FGF1: variants seen among roughly 807,000 people sequenced by gnomAD.
FGF1 encodes fibroblast growth factor 1, also known as beta-endothelial cell growth factor.
FGF1 carries 9 observed loss-of-function variants against 13.4 expected under a neutral mutation model. The observed-to-expected ratio is 0.67, with a 90% confidence interval of 0.40 to 1.17. The LOEUF is 1.17. Among genes scored for constraint, FGF1 ranks in the 50% most tolerant of loss-of-function variants. FGF1 has a pLI of 0.01. For missense variants in FGF1, 156 were observed against 192.7 expected, an observed-to-expected ratio of 0.81 and a Z score of 1.13; for synonymous variants, 93 against 79.0, an observed-to-expected ratio of 1.18 and a Z score of -0.94.
chr5:142,651,305 G>T (rs1767203868), intron 1 of FGF1, among the ~76,000 whole-genome samples: 1 of 152,202 alleles, frequency 6.6e-6, no homozygotes, highest in South Asian at 2.1e-4. Context: ...CCTCTTAGGA[G>T]CTGGGTTGCT....
At chr5:142,645,112 C>A (rs1346860847) in intron 1 of FGF1, among the ~76,000 whole-genome samples, 1 of 152,122 alleles carries the variant, frequency 6.6e-6, no homozygotes, top group East Asian at 1.9e-4. Flanking sequence ...GCTTGTAATG[C>A]AGTCATCTCC....
rs1754412094 is a variant in FGF1 at position 142,592,324 on chromosome 5, G to A, written c.*2966C>T. 2.5e-6 allele frequency: 1 copy of A among 398,458 alleles called. No homozygotes were observed. The highest frequency in any genetic ancestry group is 1.3e-4 in the South Asian group (1 of 7,864). 24.7% of individuals were successfully genotyped at this position (398,458 alleles called of 1,614,324 possible). A position where few individuals can be genotyped will look rare whatever the true frequency, so the allele number is the denominator to read the frequency against. ...TTGTCAGCAGTACACTCAAGGCTGAGGACTTGGCGCCTTGGGTTCCTTTGC... is the reference window on the plus strand; with the variant it reads ...TTGTCAGCAGTACACTCAAGGCTGAAGACTTGGCGCCTTGGGTTCCTTTGC... On this transcript the variant is annotated 3_prime_UTR_variant, in exon 4 of 4. Transcript: ENST00000337706.
chr5:142,603,031 G>A (rs1485177780), intron 2 of FGF1, among the ~76,000 whole-genome samples: 1 of 152,116 alleles, frequency 6.6e-6, no homozygotes, highest in Non-Finnish European at 1.5e-5. Flanking sequence ...TTAATTCACA[G>A]GAAGGAACTG....
chr5:142,625,974 G>T (rs889281135), intron 1 of FGF1, among the ~76,000 whole-genome samples: 3 of 152,126 alleles, frequency 2.0e-5, no homozygotes, highest in African/African-American at 7.2e-5. Context: ...TATCTCTTTA[G>T]AAATGCTGAG....
At chr5:142,638,614 G>T (rs1372438352) in intron 1 of FGF1, among the ~76,000 whole-genome samples, 1 of 152,076 alleles carries the variant, frequency 6.6e-6, no homozygotes, top group African/African-American at 2.4e-5. Flanking sequence ...GCTTCTTGAT[G>T]CAGGTCTGGG....
Position 142,614,037 on chromosome 5 carries a change from A to G in FGF1, c.91T>C (p.Cys31Arg), listed in dbSNP as rs748324402. 19 of 1,614,108 alleles carry G rather than the reference A, an allele frequency of 1.2e-5. No homozygotes were observed. The highest frequency in any genetic ancestry group is 1.6e-5 in the Non-Finnish European group (19 of 1,180,012). Reference protein sequence around the residue: ...GNYKKPKLLYCSNGGHFLRIL... With the variant: ...GNYKKPKLLYRSNGGHFLRIL... Reference sequence around the variant, plus strand: ...CTCAGGAAGTGGCCCCCGTTGCTACAGTAGAGGAGTTTGGGCTTCTTGTAA... The same window carrying G: ...CTCAGGAAGTGGCCCCCGTTGCTACGGTAGAGGAGTTTGGGCTTCTTGTAA... Residue 31 changes from cysteine (C) to arginine (R), a missense_variant, in exon 2 of 4, where the codon TGT becomes CGT. Transcript: ENST00000337706.
chr5:142,634,000 C>T (rs17217086), intron 1 of FGF1, among the ~76,000 whole-genome samples: 2,246 of 148,008 alleles, frequency 0.015, 37 homozygotes, highest in South Asian at 0.055. Flanking sequence ...CTGGCTAACA[C>T]GGTGAAACCC....
At chr5:142,668,612 C>A (rs1770886285) in intron 1 of FGF1, among the ~76,000 whole-genome samples, 1 of 152,232 alleles carries the variant, frequency 6.6e-6, no homozygotes. Flanking sequence ...GTCAATTCAT[C>A]TCTCTGAGCT....
intron 1 of FGF1, among the ~76,000 whole-genome samples, chr5:142,684,384 A>G (rs76724677): frequency 6.2e-4 from 95 of 152,342 alleles, no homozygotes; most frequent in African/African-American, 2.0e-3. Context: ...AGCAGATTTG[A>G]GAGAGAATTT....
At position 142,697,365 on chromosome 5, in the gene FGF1, A is replaced by G. The variant is rs527265339; in HGVS notation, c.-35+257T>C. The stretch of plus-strand genomic sequence containing the variant: ...AGCAAAGATAATTCACTTAGTAGGA[A>G]CCATTTCCTGCTTCCCCACTAAGAA... On this transcript the variant is annotated intron_variant, in intron 2 of 4. Coordinates refer to the FGF1 transcript ENST00000407758. Among the ~76,000 whole-genome samples the G allele has an allele frequency of 2.0e-5, 3 of 152,278 alleles. No homozygotes were observed. In the East Asian group the frequency reaches 5.8e-4, roughly 29 times the overall value.
At chr5:142,635,743 G>C (rs956988126) in intron 1 of FGF1, among the ~76,000 whole-genome samples, 5 of 152,214 alleles carry the variant, frequency 3.3e-5, no homozygotes, top group Non-Finnish European at 7.3e-5. Flanking sequence ...CTGAGTCGGG[G>C]CTGGCACCCA....
chr5:142,693,161 T>C (rs1752508872), intron 2 of FGF1, among the ~76,000 whole-genome samples: 1 of 152,218 alleles, frequency 6.6e-6, no homozygotes, highest in African/African-American at 2.4e-5. Context: ...GTGAGTGACC[T>C]ATGGCCAGGC....
intron 1 of FGF1, among the ~76,000 whole-genome samples, chr5:142,671,386 T>C (rs1339931116): frequency 1.3e-5 from 2 of 152,232 alleles, no homozygotes; most frequent in Non-Finnish European, 2.9e-5. Flanking sequence ...ATCTAAACAG[T>C]CCTGCTTTAT....
At chr5:142,595,807 T>A (rs553791826) in intron 3 of FGF1, among the ~76,000 whole-genome samples, 1 of 152,218 alleles carries the variant, frequency 6.6e-6, no homozygotes, top group Non-Finnish European at 1.5e-5. Context: ...AATCTCCCAC[T>A]GGGGACATTC....
intron 1 of FGF1, among the ~76,000 whole-genome samples, chr5:142,678,761 A>C (rs1050278849): frequency 6.6e-6 from 1 of 152,226 alleles, no homozygotes; most frequent in African/African-American, 2.4e-5. Flanking sequence ...CCTTCAAATG[A>C]TGCCAAAGAA....
intron 1 of FGF1, among the ~76,000 whole-genome samples, chr5:142,665,180 A>G (rs1239423510): frequency 2.0e-5 from 3 of 152,142 alleles, no homozygotes; most frequent in Non-Finnish European, 4.4e-5. Context: ...CTCAAAAAAT[A>G]AAAAACAAAA....
chr5:142,650,990 C>T (rs991621215), intron 1 of FGF1, among the ~76,000 whole-genome samples: 7 of 152,126 alleles, frequency 4.6e-5, no homozygotes, highest in Non-Finnish European at 8.8e-5. Flanking sequence ...CCCAAATCAA[C>T]ACCCACTGAG....
At chr5:142,612,389 G>A (rs1329338968) in intron 2 of FGF1, among the ~76,000 whole-genome samples, 1 of 152,160 alleles carries the variant, frequency 6.6e-6, no homozygotes, top group African/African-American at 2.4e-5. Flanking sequence ...ATATCATGAA[G>A]TTTGTCTTTC....
At chr5:142,634,086 G>T (rs1249817160) in intron 1 of FGF1, among the ~76,000 whole-genome samples, 2 of 151,552 alleles carry the variant, frequency 1.3e-5, no homozygotes, top group Non-Finnish European at 2.9e-5. Context: ...CCAGCTACTC[G>T]GGAGGCTGAG....
Sources: allele counts gnomAD v4.1 joint callset (sites outside exome capture counted in the v4.1 genomes callset), GRCh38; gene constraint gnomAD v4.1.1; transcripts MANE v1.5; gene names NCBI Gene and HGNC (gene_info 2026-07-23, HGNC 2026-07-21).